Variants in C12orf42 observed in about 807,000 individuals in gnomAD.
C12orf42 encodes chromosome 12 open reading frame 42, also known as uncharacterized protein C12orf42.
C12orf42 carries 25 observed loss-of-function variants against 21.6 expected under a neutral mutation model. The observed-to-expected ratio is 1.16, with a 90% CI of 0.84 to 1.62. The LOEUF (loss-of-function observed/expected upper bound fraction) is 1.62. Ranked by LOEUF, C12orf42 falls within the 40% of genes most tolerant of loss-of-function variation. The pLI is 0.00. For synonymous variants in C12orf42, 174 were observed against 175.0 expected (o/e 0.99, Z 0.05); for missense variants, 483 against 459.3 (o/e 1.05, Z -0.47).
At chr12:103,563,360 T>G in the C12orf42 span, among the ~76,000 whole-genome samples, 5 of 152,196 alleles carry the variant, frequency 3.3e-5, no homozygotes, top group Admixed American at 3.3e-4. Context: ...GATCTAGAAT[T>G]GTTTTGGTGG....
intron 10 of C12orf42, among the ~76,000 whole-genome samples, chr12:103,256,181 C>CATATATATACACATATATATAT (rs2034608693): frequency 8.7e-6 from 1 of 114,674 alleles, no homozygotes; most frequent in Non-Finnish European, 1.8e-5. Context: ...CATATATATA[C>CATATATATACACATATATATAT]ATATATATAC....
At chr12:103,208,905 G>A in the C12orf42 span, among the ~76,000 whole-genome samples, 1 of 152,054 alleles carries the variant, frequency 6.6e-6, no homozygotes, top group African/African-American at 2.4e-5. Context: ...TTATCCTCAT[G>A]AACAGTTTCT....
intron 2 of C12orf42, among the ~76,000 whole-genome samples, chr12:103,462,045 A>G (rs1952740352): frequency 6.7e-6 from 1 of 148,962 alleles, no homozygotes; most frequent in African/African-American, 2.5e-5. Flanking sequence ...CAATCTAACA[A>G]TCATATAGAA....
At chr12:103,320,461 T>C (rs1195900697) in intron 4 of C12orf42, among the ~76,000 whole-genome samples, 1 of 152,212 alleles carries the variant, frequency 6.6e-6, no homozygotes, top group Non-Finnish European at 1.5e-5. Flanking sequence ...AGACTGTTGA[T>C]ACAGTTAGTA....
the C12orf42 span, among the ~76,000 whole-genome samples, chr12:103,131,652 C>T: frequency 6.6e-6 from 1 of 152,200 alleles, no homozygotes; most frequent in Non-Finnish European, 1.5e-5. Flanking sequence ...TCAAGAAAGA[C>T]TCCCCTCTGA....
At chr12:103,525,009 T>G in the C12orf42 span, among the ~76,000 whole-genome samples, 1 of 151,752 alleles carries the variant, frequency 6.6e-6, no homozygotes, top group African/African-American at 2.4e-5. Flanking sequence ...TTTGTTTGTT[T>G]TTTGTTTGTT....
the C12orf42 span, among the ~76,000 whole-genome samples, chr12:103,162,031 C>G: frequency 6.6e-6 from 1 of 152,180 alleles, no homozygotes; most frequent in Non-Finnish European, 1.5e-5. Context: ...CCCCAGCCCC[C>G]CTTCCCTTTT....
At chr12:103,419,552 G>T (rs2049678142) in intron 2 of C12orf42, among the ~76,000 whole-genome samples, 1 of 152,116 alleles carries the variant, frequency 6.6e-6, no homozygotes, top group Non-Finnish European at 1.5e-5. Context: ...GATCACGGTG[G>T]TGATGGCTAT....
chr12:103,369,320 C>A (rs2044961739), intron 3 of C12orf42, among the ~76,000 whole-genome samples: 1 of 150,946 alleles, frequency 6.6e-6, no homozygotes, highest in African/African-American at 2.5e-5. Flanking sequence ...TCTGCCCTCA[C>A]AAAATTGACA....
the C12orf42 span, among the ~76,000 whole-genome samples, chr12:103,064,936 G>C: frequency 1.3e-5 from 2 of 152,108 alleles, no homozygotes; most frequent in East Asian, 3.9e-4. Context: ...CTCATCTTGT[G>C]GTCATTTCCT....
At chr12:103,413,156 G>T (rs1593889845) in intron 2 of C12orf42, among the ~76,000 whole-genome samples, 1 of 152,086 alleles carries the variant, frequency 6.6e-6, no homozygotes, top group South Asian at 2.1e-4. Context: ...GCTGGTGAAA[G>T]TATCTTCAGC....
At chr12:103,200,619 G>A in the C12orf42 span, among the ~76,000 whole-genome samples, 1 of 152,082 alleles carries the variant, frequency 6.6e-6, no homozygotes, top group South Asian at 2.1e-4. Flanking sequence ...CATTAATTAT[G>A]TATGTTGAAT....
At chr12:103,368,141 C>T (rs780841318) in intron 4 of C12orf42, 1 of 943,480 alleles carries the variant, frequency 1.1e-6, no homozygotes, top group South Asian at 1.4e-5. Context: ...CGCAGGTTGT[C>T]AAAATCATCT....
chr12:103,204,487 G>A, the C12orf42 span, among the ~76,000 whole-genome samples: 2 of 152,196 alleles, frequency 1.3e-5, no homozygotes, highest in African/African-American at 4.8e-5. Context: ...TATCTTTGCA[G>A]GTCTCTTTTG....
At chr12:103,277,059 A>G in intron 5 of C12orf42, 1 of 449,840 alleles carries the variant, frequency 2.2e-6, no homozygotes, top group Non-Finnish European at 4.5e-6. Flanking sequence ...TTAAAGTGCT[A>G]TTACTAATCA....
intron 5 of C12orf42, among the ~76,000 whole-genome samples, chr12:103,272,661 T>A (rs1769213149): frequency 1.3e-5 from 2 of 152,186 alleles, no homozygotes; most frequent in African/African-American, 4.8e-5. Flanking sequence ...AAGAAAATAG[T>A]GCAAGACCAA....
chr12:103,450,642 G>A (rs1190362656), intron 2 of C12orf42, among the ~76,000 whole-genome samples: 1 of 152,090 alleles, frequency 6.6e-6, no homozygotes, highest in Non-Finnish European at 1.5e-5. Flanking sequence ...CTAAGAAGGT[G>A]TCCTTAATTA....
the C12orf42 span, among the ~76,000 whole-genome samples, chr12:103,526,462 C>T: frequency 6.6e-6 from 1 of 152,148 alleles, no homozygotes; most frequent in Non-Finnish European, 1.5e-5. Flanking sequence ...TAAGTTTCAG[C>T]ATATGTGTCG....
chr12:103,373,227 C>T (rs1593674192), intron 3 of C12orf42, among the ~76,000 whole-genome samples: 1 of 152,320 alleles, frequency 6.6e-6, no homozygotes, highest in East Asian at 1.9e-4. Flanking sequence ...ATGGATGGCG[C>T]ACCTCACGCC....
Sources: gnomAD v4.1 joint callset for allele counts (sites outside exome capture counted in the v4.1 genomes callset) on GRCh38, gnomAD v4.1.1 for gene constraint, MANE v1.5 for transcripts, NCBI Gene and HGNC (gene_info 2026-07-23, HGNC 2026-07-21) for gene names.